The following DPY19L2 variants were observed in gnomAD, a reference collection of about 807,000 sequenced individuals.
DPY19L2 encodes probable C-mannosyltransferase DPY19L2.
DPY19L2 carries 34 observed loss-of-function variants against 97.9 expected under a neutral mutation model. That is an observed-to-expected ratio of 0.35 (90% confidence interval 0.26 to 0.46). The LOEUF (loss-of-function observed/expected upper bound fraction) is 0.46. Ranked by LOEUF, DPY19L2 falls within the 20% of genes least tolerant of loss-of-function variation. The probability of loss-of-function intolerance (pLI) is 1.00; values close to 1 mark genes in which losing one functional copy is unlikely to be tolerated. For missense variants in DPY19L2, 623 were observed against 911.4 expected, an observed-to-expected ratio of 0.68 and a Z score of 4.07; for synonymous variants, 230 against 307.9, an observed-to-expected ratio of 0.75 and a Z score of 2.65.
intron 6 of DPY19L2, among the ~76,000 whole-genome samples, chr12:63,639,703 A>G (rs1389984697): frequency 2.6e-5 from 4 of 152,174 alleles, no homozygotes; most frequent in Non-Finnish European, 4.4e-5. Flanking sequence ...AGGAAACAAC[A>G]GGTGCCGGAG....
At chr12:63,615,625 G>A (rs1267490904) in intron 11 of DPY19L2, among the ~76,000 whole-genome samples, 4 of 152,238 alleles carry the variant, frequency 2.6e-5, no homozygotes, top group Admixed American at 1.3e-4. Context: ...TAAATTTCAT[G>A]AGGATAAAAC....
chr12:63,594,012 T>C, intron 16 of DPY19L2, 75 bp downstream of exon 16: 1 of 1,082,060 alleles, frequency 9.2e-7, no homozygotes, highest in South Asian at 1.5e-5. Flanking sequence ...CATATTCATT[T>C]GAAAAATTAA....
At chr12:63,666,232 T>C (rs1490917685) in intron 1 of DPY19L2, among the ~76,000 whole-genome samples, 1 of 152,134 alleles carries the variant, frequency 6.6e-6, no homozygotes, top group Non-Finnish European at 1.5e-5. Context: ...ATGCTTCAGG[T>C]AGTTCTAACC....
intron 6 of DPY19L2, among the ~76,000 whole-genome samples, chr12:63,628,717 A>T (rs1264603289): frequency 6.6e-6 from 1 of 151,534 alleles, no homozygotes; most frequent in Non-Finnish European, 1.5e-5. Flanking sequence ...TGAAGAGACT[A>T]GTGGTTCTCC....
At chr12:63,628,646 C>T (rs149085558) in intron 6 of DPY19L2, among the ~76,000 whole-genome samples, 2,041 of 152,098 alleles carry the variant, frequency 0.013, 24 homozygotes, top group Non-Finnish European at 0.021. Flanking sequence ...GGGGGCAGGA[C>T]GTTGCCAAAC....
chr12:63,657,754 CTT>C (rs1895158317), intron 4 of DPY19L2, among the ~76,000 whole-genome samples: 1 of 152,118 alleles, frequency 6.6e-6, no homozygotes, highest in East Asian at 1.9e-4. Flanking sequence ...ATAGGGAAAA[CTT>C]TCTCTAAATA....
At chr12:63,661,629 T>A in intron 3 of DPY19L2, 148 bp from the exon 4 acceptor site, 1 of 622,606 alleles carries the variant, frequency 1.6e-6, no homozygotes, top group Non-Finnish European at 2.6e-6. Context: ...GCATTCTTGG[T>A]TTTTAAAGAA....
rs1223366204 is a variant in DPY19L2 at position 63,594,637 on chromosome 12, C to CGT, written c.1534-506_1534-505dup. ...TATGAAACTTGACTGGCTGCAGGGACGTGTGTGTGCGTGTCTGTGTGTGTG... is the reference window on the plus strand; with the variant it reads ...TATGAAACTTGACTGGCTGCAGGGACGTGTGTGTGTGCGTGTCTGTGTGTGTG... On this transcript the variant is annotated intron_variant, in intron 15 of 21. Transcript: ENST00000324472. Among the ~76,000 whole-genome samples, 18 of 124,918 alleles carry CGT rather than the reference C, an allele frequency of 1.4e-4. 1 individual carries two copies. The highest frequency in any genetic ancestry group is 6.9e-4 in the African/African-American group (18 of 25,918). The allele number at this position is 124,918 out of a possible 152,430, so 82.0% of individuals were successfully genotyped here. A position where few individuals can be genotyped will look rare whatever the true frequency, so the allele number is the denominator to read the frequency against.
At chr12:63,640,157 C>T (rs1892462630) in intron 6 of DPY19L2, among the ~76,000 whole-genome samples, 1 of 152,050 alleles carries the variant, frequency 6.6e-6, no homozygotes, top group South Asian at 2.1e-4. Context: ...ACAATGAGAA[C>T]ACTTGGACGC....
Position 63,596,115 on chromosome 12 carries a change from T to C in DPY19L2, c.1462-78A>G. ...TAGTAAACACCTATGTCAAACTAAG[T>C]GCCATGATAACATTCCTTAAAAGTA... On this transcript the variant is annotated intron_variant, in intron 14 of 21. Transcript: ENST00000324472. 6.9e-6 allele frequency: 9 copies of C among 1,302,566 alleles called. No homozygotes were observed. In the South Asian group the frequency reaches 1.4e-4, roughly 21 times the overall value. 80.7% of individuals were successfully genotyped at this position (1,302,566 alleles called of 1,614,324 possible). A position where few individuals can be genotyped will look rare whatever the true frequency, so the allele number is the denominator to read the frequency against.
intron 6 of DPY19L2, among the ~76,000 whole-genome samples, chr12:63,637,351 C>T (rs1333912201): frequency 6.6e-6 from 1 of 151,832 alleles, no homozygotes; most frequent in African/African-American, 2.4e-5. Flanking sequence ...CTAAAATAGA[C>T]ACCCTAACAT....
At chr12:63,621,663 T>C (rs1018582292) in intron 8 of DPY19L2, among the ~76,000 whole-genome samples, 1 of 152,208 alleles carries the variant, frequency 6.6e-6, no homozygotes, top group Admixed American at 6.5e-5. Flanking sequence ...GATGCAGCAC[T>C]GCCCCTGCAC....
rs369446846 is a variant in DPY19L2 at position 63,580,749 on chromosome 12, G to C, written c.1813C>G (p.Leu605Val). The change falls in exon 19 of 22, where the codon CTC (leucine) becomes GTC (valine). Residue 605 changes from leucine to valine, a missense_variant. By Grantham distance (32) the Leu-to-Val change is conservative (BLOSUM62 1). Around this residue, in one of 6 missense-constraint regions of DPY19L2, gnomAD observed 294 missense variants for 446.2 expected, o/e 0.66. Transcript: ENST00000324472. ...TVMSIQGYAN[L>V]RNQWSIIGEF... ...CCTATTATGCTCCATTGATTACGGA[G>C]GTTTGCATAACCTTGTATTGACATC... The C allele has an allele frequency of 1.9e-6, 3 of 1,613,482 alleles. No individual in the cohort carries two copies. The African/African-American group carries it at 4.0e-5, about 22-fold the overall frequency.
At chr12:63,626,185 G>C (rs934132316) in intron 7 of DPY19L2, among the ~76,000 whole-genome samples, 6 of 151,268 alleles carry the variant, frequency 4.0e-5, no homozygotes, top group African/African-American at 1.5e-4. Context: ...CAGATAATGT[G>C]CATGATATGA....
chr12:63,595,616 G>C (rs181839178), intron 15 of DPY19L2, among the ~76,000 whole-genome samples: 15 of 152,158 alleles, frequency 9.9e-5, no homozygotes, highest in Admixed American at 9.8e-4. Flanking sequence ...TAATTCTTTA[G>C]ACATTTGTGT....
Position 63,668,473 on chromosome 12 carries a change from G to T in DPY19L2, c.-80C>A. 1 of 1,366,650 alleles carries T rather than the reference G, an allele frequency of 7.3e-7. No individual in the cohort carries two copies. Among genetic ancestry groups the T allele is most frequent in the South Asian group, 1.5e-5 (1 of 66,516 alleles). 84.7% of individuals were successfully genotyped at this position (1,366,650 alleles called of 1,614,324 possible). ...GGCGAGGTCCAGAGAGACCTGACTC[G>T]CCTGGCAGCCTCAACGGACTTGTCC... On this transcript the variant is annotated 5_prime_UTR_variant, in exon 1 of 22. Transcript: ENST00000324472.
At chr12:63,668,014 C>T (rs746454651) in intron 1 of DPY19L2, 43 bp downstream of exon 1, 3 of 1,572,054 alleles carry the variant, frequency 1.9e-6, no homozygotes, top group African/African-American at 2.7e-5. Flanking sequence ...TCAAGAAAAG[C>T]GCCATGCGGC....
intron 4 of DPY19L2, 119 bp from the exon 5 acceptor site, chr12:63,647,484 C>G (rs917937877): frequency 2.9e-5 from 13 of 441,552 alleles, no homozygotes; most frequent in Non-Finnish European, 4.6e-5. Flanking sequence ...AGTTCATGTC[C>G]TTTATAGTGA....
At chr12:63,604,854 TC>T (rs1885775605) in intron 12 of DPY19L2, among the ~76,000 whole-genome samples, 1 of 152,150 alleles carries the variant, frequency 6.6e-6, no homozygotes, top group African/African-American at 2.4e-5. Context: ...CTGTTGACTG[TC>T]TTTTCTCATT....
Sources: allele counts gnomAD v4.1 joint callset (sites outside exome capture counted in the v4.1 genomes callset), GRCh38; gene constraint gnomAD v4.1.1; regional missense constraint gnomAD v4.1.1; transcripts MANE v1.5; gene names NCBI Gene and HGNC (gene_info 2026-07-23, HGNC 2026-07-21).